The following SLC12A1 variants were observed in gnomAD, a reference collection of about 807,000 sequenced individuals.
The protein encoded by SLC12A1 is solute carrier family 12 member 1.
Under a neutral mutation model 130.4 loss-of-function variants are expected in SLC12A1, and 89 were observed. That is an observed-to-expected ratio of 0.68 (90% CI 0.58 to 0.81). SLC12A1 has a LOEUF of 0.81. Among genes scored for constraint, SLC12A1 ranks in the 40% least tolerant of loss-of-function variants. SLC12A1 has a pLI of 0.00. For missense variants in SLC12A1, 1,310 were observed against 1,336.4 expected (o/e 0.98, Z 0.31); for synonymous variants, 499 against 460.0 (o/e 1.08, Z -1.09).
chr15:48,226,241 C>G (rs1447744488), intron 4 of SLC12A1: 2 of 446,846 alleles, frequency 4.5e-6, no homozygotes, highest in African/African-American at 4.1e-5. Context: ...TTTTCCTTTC[C>G]AAGTCTGCAC....
chr15:48,239,515 A>AAAATAAATAAAT (rs10530478), intron 9 of SLC12A1, among the ~76,000 whole-genome samples: 8,346 of 143,586 alleles, frequency 0.058, 583 homozygotes, highest in African/African-American at 0.16. Flanking sequence ...AACCCATCTC[A>AAAATAAATAAAT]AAATAAATAA....
At chr15:48,227,302 A>C in intron 5 of SLC12A1, 3 of 753,902 alleles carry the variant, frequency 4.0e-6, no homozygotes, top group Non-Finnish European at 6.5e-6. Flanking sequence ...ATAACCCAAA[A>C]TTTAAACAGC....
At chr15:48,259,162 T>C in intron 16 of SLC12A1, 38 bp from the exon 17 acceptor site, 1 of 1,351,486 alleles carries the variant, frequency 7.4e-7, no homozygotes, top group Non-Finnish European at 1.1e-6. Context: ...ACAGGCTTCT[T>C]GCAGGGGCTC....
Position 48,230,904 on chromosome 15 carries a change from C to T in SLC12A1, c.975+401C>T, listed in dbSNP as rs117223885. ...AGAACATAAGAGAGGCAAAAACTAT[C>T]ATTCTCATCTGAAAGCCAGTACTTC... On this transcript the variant is annotated intron_variant, in intron 7 of 26. Coordinates refer to ENST00000380993, the MANE Select transcript of SLC12A1 (RefSeq NM_000338.3). 7.7e-3 allele frequency among the ~76,000 whole-genome samples: 1,173 copies of T among 152,338 alleles called. 22 individuals carry two copies. Among genetic ancestry groups the T allele is most frequent in the Admixed American group, 0.038 (588 of 15,298 alleles).
chr15:48,238,583 G>C (rs908560320), intron 9 of SLC12A1, among the ~76,000 whole-genome samples: 2 of 152,140 alleles, frequency 1.3e-5, no homozygotes, highest in African/African-American at 4.8e-5. Flanking sequence ...AAGCCGGAGG[G>C]GCCAACCATG....
chr15:48,248,053 C>A (rs577499552), intron 13 of SLC12A1, among the ~76,000 whole-genome samples: 3 of 152,320 alleles, frequency 2.0e-5, no homozygotes, highest in African/African-American at 4.8e-5. Context: ...CTTGGAGAGG[C>A]ACATTCATCA....
chr15:48,226,631 T>G, intron 5 of SLC12A1, 60 bp downstream of exon 5: 1 of 987,384 alleles, frequency 1.0e-6, no homozygotes, highest in South Asian at 1.4e-5. Flanking sequence ...GAACAATTTT[T>G]TATACTTCTT....
chr15:48,298,172 G>C (rs1227297520), intron 24 of SLC12A1, among the ~76,000 whole-genome samples: 1 of 151,988 alleles, frequency 6.6e-6, no homozygotes, highest in Non-Finnish European at 1.5e-5. Context: ...TGACTTAACA[G>C]CATATCAATT....
chr15:48,279,824 G>A (rs1207836818), intron 20 of SLC12A1, among the ~76,000 whole-genome samples: 1 of 152,200 alleles, frequency 6.6e-6, no homozygotes, highest in African/African-American at 2.4e-5. Context: ...GTCTGATCAA[G>A]TGGCTTAGCA....
At chr15:48,211,823 C>A (rs1005297926) in intron 2 of SLC12A1, among the ~76,000 whole-genome samples, 2 of 152,080 alleles carry the variant, frequency 1.3e-5, no homozygotes, top group African/African-American at 4.8e-5. Flanking sequence ...TAAGGCTCTA[C>A]CTTAAATGAA....
chr15:48,211,344 A>G (rs764583412), intron 2 of SLC12A1, among the ~76,000 whole-genome samples: 3 of 152,174 alleles, frequency 2.0e-5, no homozygotes, highest in Non-Finnish European at 4.4e-5. Context: ...TTGCTAATGA[A>G]TTTGACTCAG....
intron 24 of SLC12A1, among the ~76,000 whole-genome samples, chr15:48,293,926 T>C (rs1038394332): frequency 2.6e-5 from 4 of 151,356 alleles, no homozygotes; most frequent in African/African-American, 4.9e-5. Context: ...TAGTCCTAGA[T>C]ACTCAGGAGG....
rs34104475 is a variant in SLC12A1 at position 48,269,297 on chromosome 15, A to T, written c.2296-361A>T. 4.8e-3 allele frequency among the ~76,000 whole-genome samples: 734 copies of T among 152,340 alleles called. 8 individuals carry two copies. Among genetic ancestry groups the T allele is most frequent in the Middle Eastern group, 0.044 (13 of 294 alleles). ...TTGCTAATGACATTATGGATATAAC[A>T]GGTGGAATTGAGCTTTGAACCACTA... On this transcript the variant is annotated intron_variant, in intron 18 of 26. Transcript: ENST00000380993.
chr15:48,294,836 CTT>C (rs1380617627), intron 24 of SLC12A1, among the ~76,000 whole-genome samples: 4 of 152,308 alleles, frequency 2.6e-5, no homozygotes, highest in Non-Finnish European at 4.4e-5. Context: ...CTTCTACTGA[CTT>C]AGGATTTCCT....
In SLC12A1 at chr15:48,208,066, G is replaced by A. The variant is rs34819316; in HGVS notation, c.347G>A (p.Arg116His). The change falls in exon 2 of 27, where the codon CGT becomes CAT. Residue 116 changes from arginine to histidine, a missense_variant. Transcript: ENST00000380993. ...GCCGTTCCCAAGATAGAGTACTATC[G>A]TAACACCGGCAGCATCAGTGGGCCC... is the stretch of plus-strand genomic sequence containing the variant. ...MDAVPKIEYY[R>H]NTGSISGPKV... 7,174 of 1,613,608 alleles carry A rather than the reference G, an allele frequency of 4.4e-3. 30 individuals carry two copies. Among genetic ancestry groups the A allele is most frequent in the Non-Finnish European group, 5.3e-3 (6,272 of 1,179,686 alleles).
intron 10 of SLC12A1, 24 bp downstream of exon 10, chr15:48,241,623 A>T: frequency 6.6e-7 from 1 of 1,515,058 alleles, no homozygotes; most frequent in Non-Finnish European, 9.2e-7. Flanking sequence ...CTCCAGTGTC[A>T]GAATGTCAGA....
intron 18 of SLC12A1, among the ~76,000 whole-genome samples, chr15:48,268,761 CA>C (rs2041860346): frequency 6.6e-6 from 1 of 152,036 alleles, no homozygotes; most frequent in African/African-American, 2.4e-5. Flanking sequence ...CTTTCAGTAC[CA>C]AGTTAGTTTT....
intron 26 of SLC12A1, 120 bp downstream of exon 26, chr15:48,301,502 T>TTGC (rs370756380): frequency 7.0e-6 from 3 of 429,446 alleles, no homozygotes; most frequent in South Asian, 7.3e-5. Context: ...GTGTTTTTTT[T>TTGC]GGGGGGGGGA....
In SLC12A1 at chr15:48,288,452, A is replaced by C; in HGVS notation, c.2809A>C (p.Lys937Gln). The change falls in exon 23 of 27, where the codon AAA (lysine) becomes CAA (glutamine). Residue 937 changes from lysine (K) to glutamine (Q), a missense_variant. Physicochemically the swap from Lys to Gln is moderately conservative, Grantham distance 53 (BLOSUM62 1). Coordinates refer to ENST00000380993, the MANE Select transcript of SLC12A1 (RefSeq NM_000338.3). ...PYILTLRKKW[K>Q]DCKLRIYVGG... ...TATCTTAACTCTCAGAAAAAAATGG[A>C]AAGACTGTAAATTAAGAATCTATGT... The C allele has an allele frequency of 6.4e-7, 1 of 1,554,520 alleles. No individual in the cohort carries two copies. The highest frequency in any genetic ancestry group is 8.7e-7 in the Non-Finnish European group (1 of 1,146,050).
Sources: gnomAD v4.1 joint callset for allele counts (sites outside exome capture counted in the v4.1 genomes callset) on GRCh38, gnomAD v4.1.1 for gene constraint, MANE v1.5 for transcripts, NCBI Gene and HGNC (gene_info 2026-07-23, HGNC 2026-07-21) for gene names.